Variants in KIAA0586 observed in about 807,000 individuals in gnomAD.
KIAA0586 encodes the protein KIAA0586, also known as protein TALPID3.
A neutral mutation model predicts 169.8 loss-of-function variants in KIAA0586; 144 were observed. That is an observed-to-expected ratio of 0.85 (90% CI 0.74 to 0.97). KIAA0586 has a LOEUF of 0.97. Among genes scored for constraint, KIAA0586 ranks in the 50% least tolerant of loss-of-function variants. The pLI is 0.00. For missense variants in KIAA0586, 1,854 were observed against 1,823.0 expected (o/e 1.02, Z -0.31); for synonymous variants, 625 against 612.4 (o/e 1.02, Z -0.30).
intron 27 of KIAA0586, among the ~76,000 whole-genome samples, chr14:58,506,678 G>A (rs999301795): frequency 2.1e-5 from 3 of 140,914 alleles, no homozygotes; most frequent in South Asian, 2.2e-4. Flanking sequence ...GTGAGTCTCC[G>A]TCTCAAAAAA....
intron 29 of KIAA0586, among the ~76,000 whole-genome samples, chr14:58,513,470 A>T (rs1478052002): frequency 6.6e-6 from 1 of 152,004 alleles, no homozygotes; most frequent in African/African-American, 2.4e-5. Context: ...CTAAATGAGG[A>T]AGTGCTCAAG....
chr14:58,506,712 A>G (rs1566915178), intron 27 of KIAA0586, among the ~76,000 whole-genome samples: 1 of 152,048 alleles, frequency 6.6e-6, no homozygotes, highest in Non-Finnish European at 1.5e-5. Context: ...AAAACTCAAT[A>G]GATGTATTTC....
chr14:58,449,404 C>G (rs1474907504), intron 7 of KIAA0586, among the ~76,000 whole-genome samples: 2 of 152,146 alleles, frequency 1.3e-5, no homozygotes, highest in African/African-American at 4.8e-5. Flanking sequence ...TGGCACATGC[C>G]TATAGTCCCA....
At chr14:58,507,225 CATCT>C (rs1236799228) in intron 27 of KIAA0586, among the ~76,000 whole-genome samples, 2 of 120,448 alleles carry the variant, frequency 1.7e-5, no homozygotes, top group South Asian at 2.8e-4. Context: ...ATATATAAAT[CATCT>C]ATATGTATGA....
Position 58,428,109 on chromosome 14 carries a change from T to G in KIAA0586, c.-156T>G. 6.8e-7 allele frequency: 1 copy of G among 1,462,670 alleles called. No homozygotes were observed. The highest frequency in any genetic ancestry group is 1.5e-5 in the South Asian group (1 of 66,620). The allele number at this position is 1,462,670 out of a possible 1,614,324, so 90.6% of individuals were successfully genotyped here. On this transcript the variant is annotated 5_prime_UTR_variant, in exon 1 of 31. Coordinates refer to ENST00000652326, the MANE Select transcript of KIAA0586 (RefSeq NM_001329943.3). ...ATGACTTTATAGTCAGCTCTAATCCTGGATTCAATATCAGAATTTAGATTT... is the reference window on the plus strand; with the variant it reads ...ATGACTTTATAGTCAGCTCTAATCCGGGATTCAATATCAGAATTTAGATTT...
chr14:58,485,022 C>T (rs1189521861), intron 21 of KIAA0586, among the ~76,000 whole-genome samples: 41 of 131,448 alleles, frequency 3.1e-4, no homozygotes, highest in Non-Finnish European at 4.7e-5. Context: ...GCAACAGGTT[C>T]AAATGATTCT....
At chr14:58,435,119 A>G (rs1353710823) in intron 4 of KIAA0586, among the ~76,000 whole-genome samples, 3 of 152,060 alleles carry the variant, frequency 2.0e-5, no homozygotes, top group Non-Finnish European at 2.9e-5. Context: ...GATCTTTACA[A>G]AAGCCTAGCA....
At chr14:58,473,027 G>T (rs2041345720) in intron 18 of KIAA0586, among the ~76,000 whole-genome samples, 1 of 148,986 alleles carries the variant, frequency 6.7e-6, no homozygotes. Flanking sequence ...GCCTAGCAAA[G>T]GTACTTGGTA....
intron 29 of KIAA0586, among the ~76,000 whole-genome samples, chr14:58,537,772 C>T (rs182265089): frequency 3.9e-3 from 591 of 152,032 alleles, no homozygotes; most frequent in Middle Eastern, 0.01. Flanking sequence ...CTCAGCCTCC[C>T]GAGTAGCTGG....
chr14:58,541,827 A>G (rs536762561), intron 30 of KIAA0586, among the ~76,000 whole-genome samples: 22 of 152,328 alleles, frequency 1.4e-4, no homozygotes, highest in Non-Finnish European at 2.5e-4. Flanking sequence ...AATGCATGCC[A>G]GGTTAAATGA....
chr14:58,526,671 G>A (rs890308957), intron 29 of KIAA0586, among the ~76,000 whole-genome samples: 5 of 152,074 alleles, frequency 3.3e-5, no homozygotes, highest in African/African-American at 4.8e-5. Context: ...ACAACTCCTC[G>A]CCAGCAAGGG....
At chr14:58,449,831 G>T (rs921699161) in intron 7 of KIAA0586, among the ~76,000 whole-genome samples, 11 of 152,034 alleles carry the variant, frequency 7.2e-5, no homozygotes, top group Non-Finnish European at 1.0e-4. Context: ...TTTGTTGATT[G>T]TAAATTGAAT....
In KIAA0586 at chr14:58,452,458, T is replaced by C. The variant is rs1454026506; in HGVS notation, c.1130-892T>C. Among the ~76,000 whole-genome samples, 56 of 152,182 alleles carry C rather than the reference T, an allele frequency of 3.7e-4. 1 individual carries two copies. Among genetic ancestry groups the C allele is most frequent in the Non-Finnish European group, 7.4e-5 (5 of 68,026 alleles). ...GAAAGTCACAAGATAATAAAATCTT[T>C]AATAAAGAAGGCAACCTCACACCAA... On this transcript the variant is annotated intron_variant, in intron 8 of 30. Transcript: ENST00000652326.
intron 30 of KIAA0586, among the ~76,000 whole-genome samples, chr14:58,545,808 G>A (rs905465495): frequency 6.6e-6 from 1 of 152,122 alleles, no homozygotes; most frequent in Non-Finnish European, 1.5e-5. Context: ...TTGAGACCAA[G>A]GAGTTTGAGA....
At chr14:58,498,070 G>A (rs1206294615) in intron 26 of KIAA0586, among the ~76,000 whole-genome samples, 1 of 151,948 alleles carries the variant, frequency 6.6e-6, no homozygotes, top group Non-Finnish European at 1.5e-5. Context: ...GTACAGACGG[G>A]GTTTCACCAT....
intron 12 of KIAA0586, among the ~76,000 whole-genome samples, chr14:58,458,882 A>C (rs1400013468): frequency 1.3e-5 from 2 of 152,204 alleles, no homozygotes; most frequent in African/African-American, 4.8e-5. Flanking sequence ...GACCCGCCAA[A>C]GTAAAAATAC....
At position 58,534,372 on chromosome 14, in the gene KIAA0586, G is replaced by A. The variant is rs113984865; in HGVS notation, c.4430-5699G>A. On this transcript the variant is annotated intron_variant, in intron 29 of 30. Transcript: ENST00000652326. ...TTGACAAAGATATGGTTGAGTTTAA[G>A]TGTAGTTATGATATTATTGCTTAAT... Among the ~76,000 whole-genome samples the A allele has an allele frequency of 4.6e-4, 70 of 152,314 alleles. No homozygotes were observed. The East Asian group carries it at 0.011, about 23-fold the overall frequency.
chr14:58,521,217 A>G (rs1204182394), intron 29 of KIAA0586: 1 of 963,132 alleles, frequency 1.0e-6, no homozygotes, highest in African/African-American at 1.6e-5. Context: ...CTCATCATCC[A>G]ACACAGTGGC....
chr14:58,479,122 C>G (rs930818530), intron 20 of KIAA0586, among the ~76,000 whole-genome samples: 1 of 152,176 alleles, frequency 6.6e-6, no homozygotes, highest in African/African-American at 2.4e-5. Flanking sequence ...AGTGGGTGTA[C>G]TATTTTGCAT....
Sources: gnomAD v4.1 joint callset for allele counts (sites outside exome capture counted in the v4.1 genomes callset) on GRCh38, gnomAD v4.1.1 for gene constraint, MANE v1.5 for transcripts, NCBI Gene and HGNC (gene_info 2026-07-23, HGNC 2026-07-21) for gene names.